SHISA9: variants seen among roughly 807,000 people sequenced by gnomAD.
SHISA9 encodes protein shisa-9.
A neutral mutation model predicts 38.0 loss-of-function variants in SHISA9; 13 were observed. The ratio of observed to expected loss-of-function variants is 0.34; its 90% confidence interval spans 0.22 to 0.54. SHISA9 has a LOEUF of 0.54. Ranked by LOEUF, SHISA9 falls within the 20% of genes least tolerant of loss-of-function variation. The pLI is 0.91. For missense variants in SHISA9, 538 were observed against 575.8 expected, an observed-to-expected ratio of 0.93 and a Z score of 0.67; for synonymous variants, 275 against 242.0, an observed-to-expected ratio of 1.14 and a Z score of -1.27.
At chr16:13,550,296 T>G in the SHISA9 span, among the ~76,000 whole-genome samples, 2 of 151,948 alleles carry the variant, frequency 1.3e-5, no homozygotes, top group African/African-American at 4.8e-5. Context: ...CCCTAGAAAC[T>G]CTCCCATTCA....
At chr16:13,036,823 T>A (rs8064009) in intron 2 of SHISA9, among the ~76,000 whole-genome samples, 10 of 151,418 alleles carry the variant, frequency 6.6e-5, no homozygotes, top group Non-Finnish European at 1.0e-4. Context: ...TGAGGTAAAG[T>A]AGTTAGCACA....
the SHISA9 span, chr16:13,258,532 A>G: frequency 6.6e-6 from 1 of 152,158 alleles, no homozygotes; most frequent in Non-Finnish European, 1.5e-5. Context: ...CATTCCTAGG[A>G]AATAGGGATG....
chr16:12,932,070 C>T (rs967475434), intron 2 of SHISA9, among the ~76,000 whole-genome samples: 1 of 152,178 alleles, frequency 6.6e-6, no homozygotes, highest in Non-Finnish European at 1.5e-5. Flanking sequence ...GCTTTCTTGC[C>T]TGCCACCATG....
At chr16:13,181,766 T>C (rs2050781556) in intron 2 of SHISA9, among the ~76,000 whole-genome samples, 1 of 151,156 alleles carries the variant, frequency 6.6e-6, no homozygotes, top group African/African-American at 2.4e-5. Flanking sequence ...GTGATGGAGA[T>C]GGGGAGAAGG....
the SHISA9 span, among the ~76,000 whole-genome samples, chr16:13,295,126 T>G: frequency 6.6e-6 from 1 of 152,224 alleles, no homozygotes; most frequent in Admixed American, 6.5e-5. Context: ...TGCTCTTAAT[T>G]GTGACACTAC....
At chr16:12,960,449 C>T (rs1484514749) in intron 2 of SHISA9, among the ~76,000 whole-genome samples, 1 of 152,098 alleles carries the variant, frequency 6.6e-6, no homozygotes. Context: ...TCACCCTATT[C>T]TAAAGATACG....
intron 2 of SHISA9, among the ~76,000 whole-genome samples, chr16:13,063,206 C>T (rs1421053445): frequency 3.3e-5 from 5 of 152,062 alleles, no homozygotes; most frequent in African/African-American, 1.2e-4. Flanking sequence ...CGGGATTTCA[C>T]TGTGTTAGCC....
At position 13,075,303 on chromosome 16, in the gene SHISA9, T is replaced by C. The variant is rs1157561955; in HGVS notation, c.692-128091T>C. On this transcript the variant is annotated intron_variant, in intron 2 of 4. Transcript: ENST00000558583. ...CTTGGGAAGTTTCCATTATTCACCA[T>C]GTTGTGATCTCTAGCACCTGGTGTC... is the stretch of plus-strand genomic sequence containing the variant. Among the ~76,000 whole-genome samples the C allele has an allele frequency of 1.4e-4, 22 of 152,186 alleles. 1 individual carries two copies. The highest frequency in any genetic ancestry group is 3.1e-4 in the Non-Finnish European group (21 of 68,032).
chr16:13,530,733 G>A, the SHISA9 span, among the ~76,000 whole-genome samples: 1 of 152,064 alleles, frequency 6.6e-6, no homozygotes, highest in Non-Finnish European at 1.5e-5. Flanking sequence ...ATTTCCTTCA[G>A]GCAGCACCAT....
At chr16:13,560,563 G>A in the SHISA9 span, among the ~76,000 whole-genome samples, 1 of 152,160 alleles carries the variant, frequency 6.6e-6, no homozygotes, top group Non-Finnish European at 1.5e-5. Flanking sequence ...AGAGATTTGA[G>A]AAATTGTTAA....
intron 2 of SHISA9, among the ~76,000 whole-genome samples, chr16:12,965,897 G>A (rs1225163698): frequency 3.3e-5 from 5 of 152,232 alleles, no homozygotes; most frequent in African/African-American, 1.2e-4. Context: ...ATAGCAAAGG[G>A]CGATAAGTGC....
chr16:13,400,159 T>C, the SHISA9 span, among the ~76,000 whole-genome samples: 1 of 152,182 alleles, frequency 6.6e-6, no homozygotes, highest in East Asian at 1.9e-4. Flanking sequence ...TAGAGCAACC[T>C]TCAACCCACA....
chr16:13,437,304 C>T, the SHISA9 span, among the ~76,000 whole-genome samples: 16 of 152,280 alleles, frequency 1.1e-4, no homozygotes, highest in African/African-American at 3.9e-4. Context: ...GGCTCCCCTC[C>T]CACTCTACCC....
In SHISA9 at chr16:13,151,959, A is replaced by G. The variant is rs186437990; in HGVS notation, c.692-51435A>G. On this transcript the variant is annotated intron_variant, in intron 2 of 4. Coordinates refer to ENST00000558583, the MANE Select transcript of SHISA9 (RefSeq NM_001145204.3). ...TAGTAGGTGTTATCATTTGTTTTCA[A>G]TGAATGAATGGACAGAAACTGCAGT... Among the ~76,000 whole-genome samples the G allele has an allele frequency of 1.1e-4, 16 of 152,316 alleles. No homozygotes were observed. The East Asian group carries it at 1.9e-3, about 18-fold the overall frequency.
chr16:13,152,293 C>T (rs549625025), intron 2 of SHISA9, among the ~76,000 whole-genome samples: 1 of 152,204 alleles, frequency 6.6e-6, no homozygotes, highest in African/African-American at 2.4e-5. Context: ...GAGAGGTTGT[C>T]TATGTGTCTG....
At chr16:13,077,349 C>A (rs1012633691) in intron 2 of SHISA9, among the ~76,000 whole-genome samples, 1 of 152,048 alleles carries the variant, frequency 6.6e-6, no homozygotes, top group African/African-American at 2.4e-5. Context: ...GCTCAACACC[C>A]CCACATTGAC....
At chr16:13,540,193 CCA>C in the SHISA9 span, among the ~76,000 whole-genome samples, 27,520 of 149,504 alleles carry the variant, frequency 0.18, 2,645 homozygotes, top group East Asian at 0.33. Context: ...GCATACATGC[CCA>C]CACACACACA....
chr16:13,329,289 T>C, the SHISA9 span, among the ~76,000 whole-genome samples: 3 of 152,138 alleles, frequency 2.0e-5, no homozygotes, highest in African/African-American at 7.2e-5. Context: ...GCTGTTCTCC[T>C]TTCTCTTTCT....
At chr16:13,353,442 G>T in the SHISA9 span, among the ~76,000 whole-genome samples, 4 of 152,120 alleles carry the variant, frequency 2.6e-5, no homozygotes, top group African/African-American at 9.7e-5. Flanking sequence ...GGCAGTTTGG[G>T]GATAGCACCA....
Sources: gnomAD v4.1 joint callset for allele counts (sites outside exome capture counted in the v4.1 genomes callset) on GRCh38, gnomAD v4.1.1 for gene constraint, MANE v1.5 for transcripts, NCBI Gene and HGNC (gene_info 2026-07-23, HGNC 2026-07-21) for gene names.